Variants in NDEL1 observed in about 807,000 individuals in gnomAD.
The protein encoded by NDEL1 is nuclear distribution protein nudE-like 1.
A neutral mutation model predicts 45.7 loss-of-function variants in NDEL1; 9 were observed. The observed-to-expected ratio is 0.20, with a 90% CI of 0.12 to 0.34. The LOEUF (loss-of-function observed/expected upper bound fraction) is 0.34, where lower values mean the gene tolerates loss of function less well. Ranked by LOEUF, NDEL1 falls within the 10% of genes least tolerant of loss-of-function variation. NDEL1 has a pLI of 1.00. For synonymous variants in NDEL1, 133 were observed against 158.6 expected, an observed-to-expected ratio of 0.84 and a Z score of 1.21; for missense variants, 306 against 406.2, an observed-to-expected ratio of 0.75 and a Z score of 2.12.
intron 8 of NDEL1, among the ~76,000 whole-genome samples, chr17:8,462,132 G>A (rs1911249511): frequency 1.3e-5 from 2 of 151,742 alleles, no homozygotes; most frequent in African/African-American, 4.8e-5. Flanking sequence ...GAGAGCATCC[G>A]AGATGTAAGT....
At chr17:8,442,695 T>TC (rs1442844619) in intron 1 of NDEL1, among the ~76,000 whole-genome samples, 1 of 151,848 alleles carries the variant, frequency 6.6e-6, no homozygotes, top group Admixed American at 6.6e-5. Context: ...AAAGATTTTT[T>TC]TTTTTTTTTG....
In NDEL1 at chr17:8,446,742, T is replaced by C. The variant is rs1325112309; in HGVS notation, c.241-12T>C. The C allele has an allele frequency of 1.2e-6, 2 of 1,613,896 alleles. No homozygotes were observed. The highest frequency in any genetic ancestry group is 2.2e-5 in the South Asian group (2 of 91,076). On this transcript the variant is annotated splice_polypyrimidine_tract_variant and intron_variant, in intron 3 of 8. Transcript: ENST00000334527. Reference sequence around the variant, plus strand: ...ATTAATGACATGTACTTTCCTATACTGATGCCCTCAGGAGAAGCTAGAGCA... The same window carrying C: ...ATTAATGACATGTACTTTCCTATACCGATGCCCTCAGGAGAAGCTAGAGCA...
upstream of NDEL1, among the ~76,000 whole-genome samples, chr17:8,433,312 T>C (rs1314436750): frequency 6.6e-6 from 1 of 152,218 alleles, no homozygotes; most frequent in Non-Finnish European, 1.5e-5. Context: ...CTGTTAATCA[T>C]TGATCCTTTT....
chr17:8,447,982 C>CGGGGGGGGGGAGGGGGG (rs34891973), intron 4 of NDEL1, among the ~76,000 whole-genome samples: 5 of 107,790 alleles, frequency 4.6e-5, no homozygotes, highest in Admixed American at 1.0e-4. Context: ...GGGAGGTGGG[C>CGGGGGGGGGGAGGGGGG]GGGGGGGGGG....
chr17:8,463,421 A>G (rs1911358494), intron 8 of NDEL1: 43 of 1,495,400 alleles, frequency 2.9e-5, no homozygotes, highest in Non-Finnish European at 3.9e-5. Flanking sequence ...TGGAAGACAC[A>G]TTAACAATCT....
chr17:8,449,478 T>A (rs769795837), intron 5 of NDEL1, among the ~76,000 whole-genome samples: 1 of 152,198 alleles, frequency 6.6e-6, no homozygotes, highest in Non-Finnish European at 1.5e-5. Flanking sequence ...TATAGTCAAA[T>A]TGTTGTGTAA....
chr17:8,442,109 G>A (rs1321867163), intron 1 of NDEL1, among the ~76,000 whole-genome samples: 2 of 152,028 alleles, frequency 1.3e-5, no homozygotes, highest in Non-Finnish European at 2.9e-5. Flanking sequence ...AGTGTGCAGT[G>A]GTTATCTCTA....
intron 1 of NDEL1, among the ~76,000 whole-genome samples, chr17:8,428,323 GGT>G (rs61341198): frequency 0.019 from 1,197 of 61,902 alleles, 16 homozygotes; most frequent in South Asian, 0.09. Flanking sequence ...AAGTGTGTGT[GGT>G]GTGTGTGTGT....
At chr17:8,424,154 C>T (rs947606735) in intron 1 of NDEL1, among the ~76,000 whole-genome samples, 2 of 152,180 alleles carry the variant, frequency 1.3e-5, no homozygotes, top group African/African-American at 4.8e-5. Context: ...CTTTGTCTAA[C>T]GTATAACGTA....
chr17:8,455,437 C>G (rs1006020387), intron 7 of NDEL1, among the ~76,000 whole-genome samples: 1 of 152,186 alleles, frequency 6.6e-6, no homozygotes, highest in Admixed American at 6.5e-5. Context: ...CCTGTAATCC[C>G]AGCACTTTGG....
intron 8 of NDEL1, among the ~76,000 whole-genome samples, chr17:8,463,528 T>C (rs1333887269): frequency 6.6e-6 from 1 of 152,256 alleles, no homozygotes; most frequent in African/African-American, 2.4e-5. Context: ...TATGCCGTTA[T>C]TAGTTCAGCT....
At chr17:8,415,307 T>C (rs1294031145) in intron 1 of NDEL1, among the ~76,000 whole-genome samples, 1 of 151,900 alleles carries the variant, frequency 6.6e-6, no homozygotes, top group Non-Finnish European at 1.5e-5. Flanking sequence ...GCCTGCCAAG[T>C]AGCTGGGGCC....
At chr17:8,448,721 T>TCACGCC (rs779097818) in intron 5 of NDEL1, 35 bp downstream of exon 5, 2 of 1,575,250 alleles carry the variant, frequency 1.3e-6, no homozygotes, top group Admixed American at 3.6e-5. Context: ...CAGTTGACCC[T>TCACGCC]TGAACAACAT....
At chr17:8,446,003 G>C in intron 3 of NDEL1, 139 bp downstream of exon 3, 4 of 881,682 alleles carry the variant, frequency 4.5e-6, no homozygotes, top group Non-Finnish European at 6.2e-6. Context: ...TGAATAAAAT[G>C]TTTTCTTTCA....
chr17:8,445,623 A>G (rs1026659461), intron 2 of NDEL1, 88 bp from the exon 3 acceptor site: 3 of 1,425,350 alleles, frequency 2.1e-6, no homozygotes, highest in African/African-American at 3.0e-5. Context: ...CATTCAAGCA[A>G]AAATTATCGA....
intron 7 of NDEL1, among the ~76,000 whole-genome samples, chr17:8,455,718 C>T (rs1209000204): frequency 1.3e-5 from 2 of 151,224 alleles, no homozygotes; most frequent in African/African-American, 2.4e-5. Context: ...AAATTAAACC[C>T]GTTTTTCTGC....
At chr17:8,424,070 A>G (rs2151695243) in intron 1 of NDEL1, among the ~76,000 whole-genome samples, 1 of 152,340 alleles carries the variant, frequency 6.6e-6, no homozygotes, top group Non-Finnish European at 1.5e-5. Context: ...GAAAAGAAAA[A>G]AAGGAAGGAA....
chr17:8,470,284 A>G (rs555060687), downstream of NDEL1, among the ~76,000 whole-genome samples: 23 of 151,392 alleles, frequency 1.5e-4, no homozygotes, highest in South Asian at 4.6e-3. The surrounding 1 kb of genome is among the most constrained non-coding windows in gnomAD (Gnocchi z 4.2). Context: ...TCTCCATGAA[A>G]CCTCGGGAAT....
At chr17:8,442,940 C>T (rs902266720) in intron 1 of NDEL1, among the ~76,000 whole-genome samples, 9 of 151,978 alleles carry the variant, frequency 5.9e-5, no homozygotes, top group Admixed American at 1.3e-4. Context: ...CCACCACGCC[C>T]GGCTAATTTT....
Sources: gnomAD v4.1 joint callset for allele counts (sites outside exome capture counted in the v4.1 genomes callset) on GRCh38, gnomAD v4.1.1 for gene constraint, Gnocchi (gnomAD v3.1) non-coding constraint, MANE v1.5 for transcripts, NCBI Gene and HGNC (gene_info 2026-07-23, HGNC 2026-07-21) for gene names.